The following TCF7L1 variants were observed in gnomAD, a reference collection of about 807,000 sequenced individuals.
TCF7L1 encodes the protein transcription factor 7-like 1.
Under a neutral mutation model 63.7 loss-of-function variants are expected in TCF7L1, and 18 were observed. That is an observed-to-expected ratio of 0.28 (90% CI 0.20 to 0.42). TCF7L1 has a LOEUF of 0.42. Among genes scored for constraint, TCF7L1 ranks in the 10% least tolerant of loss-of-function variants. The probability of loss-of-function intolerance (pLI) is 1.00; values close to 1 mark genes in which losing one functional copy is unlikely to be tolerated. For synonymous variants in TCF7L1, 355 were observed against 340.9 expected (o/e 1.04, Z -0.46); for missense variants, 654 against 779.3 (o/e 0.84, Z 1.91).
At chr2:85,275,049 T>C (rs953070980) in intron 3 of TCF7L1, among the ~76,000 whole-genome samples, 6 of 152,212 alleles carry the variant, frequency 3.9e-5, no homozygotes, top group African/African-American at 1.4e-4. Context: ...AGCTTGTAAG[T>C]GGGGTTCAGC....
At chr2:85,304,054 CTG>C in intron 6 of TCF7L1, 57 bp downstream of exon 6, 4 of 1,431,732 alleles carry the variant, frequency 2.8e-6, no homozygotes, top group Non-Finnish European at 3.9e-6. Context: ...AGCTCTGCCT[CTG>C]TGCCCTGCGC....
intron 3 of TCF7L1, among the ~76,000 whole-genome samples, chr2:85,261,411 A>G (rs567322181): frequency 6.6e-6 from 1 of 152,334 alleles, no homozygotes; most frequent in African/African-American, 2.4e-5. Flanking sequence ...GATTTGAAGC[A>G]TGTGTGTGCT....
chr2:85,280,111 A>G (rs1386942640), intron 3 of TCF7L1, among the ~76,000 whole-genome samples: 4 of 152,288 alleles, frequency 2.6e-5, no homozygotes, highest in African/African-American at 9.6e-5. Flanking sequence ...CTTGCAGTCT[A>G]TTGGGTGCCA....
intron 3 of TCF7L1, among the ~76,000 whole-genome samples, chr2:85,225,193 T>C (rs1181127846): frequency 1.3e-5 from 2 of 152,194 alleles, no homozygotes; most frequent in Non-Finnish European, 2.9e-5. Context: ...CCTTGTAGTA[T>C]ATTTGAAGTC....
At chr2:85,185,379 A>G (rs940957634) in intron 3 of TCF7L1, among the ~76,000 whole-genome samples, 2 of 151,930 alleles carry the variant, frequency 1.3e-5, no homozygotes, top group African/African-American at 4.8e-5. Flanking sequence ...TGCCTCAGCC[A>G]CCCCATTAGC....
intron 3 of TCF7L1, among the ~76,000 whole-genome samples, chr2:85,209,353 C>T (rs937633202): frequency 6.6e-6 from 1 of 152,204 alleles, no homozygotes; most frequent in Non-Finnish European, 1.5e-5. Context: ...CGGGTACATG[C>T]ATGAGATGGA....
intron 3 of TCF7L1, among the ~76,000 whole-genome samples, chr2:85,197,999 T>A (rs999922848): frequency 6.6e-6 from 1 of 152,218 alleles, no homozygotes; most frequent in African/African-American, 2.4e-5. Context: ...TGAGGCTGTC[T>A]GCAGGACTCC....
At chr2:85,228,298 G>A (rs1468206037) in intron 3 of TCF7L1, among the ~76,000 whole-genome samples, 1 of 152,128 alleles carries the variant, frequency 6.6e-6, no homozygotes, top group Non-Finnish European at 1.5e-5. Flanking sequence ...GTGCACGCCT[G>A]TAGTCTCAGC....
chr2:85,153,841 T>A (rs779750106), intron 3 of TCF7L1, among the ~76,000 whole-genome samples: 11 of 152,244 alleles, frequency 7.2e-5, no homozygotes, highest in Non-Finnish European at 1.2e-4. Flanking sequence ...TATCTGTTAC[T>A]GTTGATTTAC....
chr2:85,162,438 G>A (rs1351637153), intron 3 of TCF7L1, among the ~76,000 whole-genome samples: 3 of 152,066 alleles, frequency 2.0e-5, no homozygotes, highest in African/African-American at 7.2e-5. Flanking sequence ...TGGAAGGTCA[G>A]GCACTACTTT....
At chr2:85,236,662 C>T (rs185009711) in intron 3 of TCF7L1, among the ~76,000 whole-genome samples, 2 of 152,076 alleles carry the variant, frequency 1.3e-5, no homozygotes, top group East Asian at 1.9e-4. Context: ...ATGTATCTAC[C>T]CATGTATCAT....
chr2:85,207,112 T>G (rs1435451167), intron 3 of TCF7L1, among the ~76,000 whole-genome samples: 1 of 152,236 alleles, frequency 6.6e-6, no homozygotes, highest in Non-Finnish European at 1.5e-5. Flanking sequence ...TTTTCATAAT[T>G]GATTTTAGTA....
At chr2:85,205,149 AT>A (rs1380329230) in intron 3 of TCF7L1, 2 of 152,248 alleles carry the variant, frequency 1.3e-5, no homozygotes, top group Non-Finnish European at 2.9e-5. Context: ...CTAAATTGAA[AT>A]TCTAGTTTCA....
At chr2:85,161,485 T>C (rs1176739861) in intron 3 of TCF7L1, among the ~76,000 whole-genome samples, 1 of 152,010 alleles carries the variant, frequency 6.6e-6, no homozygotes, top group African/African-American at 2.4e-5. Context: ...AGCTGGGAGC[T>C]CTCCTGCCCT....
intron 3 of TCF7L1, among the ~76,000 whole-genome samples, chr2:85,226,650 C>T (rs1679957450): frequency 6.6e-6 from 1 of 152,120 alleles, no homozygotes. Flanking sequence ...CTCTTCTCTC[C>T]CTCCTGTCCC....
intron 3 of TCF7L1, among the ~76,000 whole-genome samples, chr2:85,168,826 G>A (rs1287308017): frequency 6.6e-6 from 1 of 152,096 alleles, no homozygotes; most frequent in African/African-American, 2.4e-5. Context: ...TCACCATATT[G>A]GCCAGGCTGG....
intron 3 of TCF7L1, among the ~76,000 whole-genome samples, chr2:85,163,327 G>C (rs945651414): frequency 2.6e-5 from 4 of 152,160 alleles, no homozygotes; most frequent in Non-Finnish European, 5.9e-5. Flanking sequence ...TCCCTGCCTA[G>C]TGAGGTATTG....
chr2:85,245,845 AAAAC>A (rs1304019650), intron 3 of TCF7L1, among the ~76,000 whole-genome samples: 1 of 151,872 alleles, frequency 6.6e-6, no homozygotes, highest in African/African-American at 2.4e-5. Flanking sequence ...AAAAAAAAAA[AAAAC>A]AGACCAACAG....
At chr2:85,300,458 T>G (rs1681941805) in intron 4 of TCF7L1, among the ~76,000 whole-genome samples, 1 of 152,248 alleles carries the variant, frequency 6.6e-6, no homozygotes, top group Non-Finnish European at 1.5e-5. Flanking sequence ...ACTTTTTAAA[T>G]TCATGATGCA....
Sources: gnomAD v4.1 joint callset for allele counts (sites outside exome capture counted in the v4.1 genomes callset) on GRCh38, gnomAD v4.1.1 for gene constraint, MANE v1.5 for transcripts, NCBI Gene and HGNC (gene_info 2026-07-23, HGNC 2026-07-21) for gene names.